Variants in TBC1D14 observed in about 807,000 individuals in gnomAD.
TBC1D14 encodes the protein TBC1 domain family member 14, also known as TBC1 domain family, member 14.
TBC1D14 carries 26 observed loss-of-function variants against 79.0 expected under a neutral mutation model. The observed-to-expected ratio is 0.33, with a 90% CI of 0.24 to 0.46. TBC1D14 has a LOEUF of 0.46. Ranked by LOEUF, TBC1D14 falls within the 20% of genes least tolerant of loss-of-function variation. TBC1D14 has a pLI of 1.00. For missense variants in TBC1D14, 769 were observed against 887.6 expected, an observed-to-expected ratio of 0.87 and a Z score of 1.70; for synonymous variants, 394 against 349.9, an observed-to-expected ratio of 1.13 and a Z score of -1.40.
At chr4:6,932,591 T>G (rs566341514) in intron 2 of TBC1D14, among the ~76,000 whole-genome samples, 1 of 152,278 alleles carries the variant, frequency 6.6e-6, no homozygotes, top group African/African-American at 2.4e-5. Flanking sequence ...GGCTTTGACT[T>G]AGACTCAGTG....
At chr4:6,993,063 G>A (rs763565967) in intron 3 of TBC1D14, among the ~76,000 whole-genome samples, 1 of 152,076 alleles carries the variant, frequency 6.6e-6, no homozygotes, top group African/African-American at 2.4e-5. Context: ...ATTGCTTGCC[G>A]CATAATTTCA....
chr4:6,922,602 T>G (rs1257585689), intron 1 of TBC1D14, among the ~76,000 whole-genome samples: 1 of 152,206 alleles, frequency 6.6e-6, no homozygotes, highest in Non-Finnish European at 1.5e-5. Context: ...ATACATAATT[T>G]ATTTTGTTGT....
intron 2 of TBC1D14, among the ~76,000 whole-genome samples, chr4:6,941,579 C>T (rs1400000653): frequency 6.6e-6 from 1 of 152,158 alleles, no homozygotes; most frequent in Non-Finnish European, 1.5e-5. Context: ...TGTGGAGTGT[C>T]AGTAACATTC....
At chr4:6,997,967 T>C (rs1331827999) in intron 5 of TBC1D14, among the ~76,000 whole-genome samples, 4 of 152,226 alleles carry the variant, frequency 2.6e-5, no homozygotes, top group Admixed American at 2.6e-4. Flanking sequence ...ATGAATGTTC[T>C]TAATGCCACT....
At chr4:7,028,432 T>A (rs1027654494) in intron 13 of TBC1D14, among the ~76,000 whole-genome samples, 1 of 149,774 alleles carries the variant, frequency 6.7e-6, no homozygotes, top group Non-Finnish European at 1.5e-5. Context: ...GTTTTTTGTT[T>A]GTTTTTTTTT....
chr4:6,995,954 A>C (rs960986917), intron 4 of TBC1D14, among the ~76,000 whole-genome samples: 2 of 151,960 alleles, frequency 1.3e-5, no homozygotes, highest in African/African-American at 4.8e-5. Context: ...CTCCTGCCTC[A>C]GCCTCCTGAT....
chr4:6,955,750 A>G (rs1399817878), intron 2 of TBC1D14, among the ~76,000 whole-genome samples: 1 of 152,176 alleles, frequency 6.6e-6, no homozygotes, highest in Non-Finnish European at 1.5e-5. Flanking sequence ...AGAGGCTTTG[A>G]GAAAGCCCTG....
At chr4:6,983,638 T>A (rs1235761473) in intron 3 of TBC1D14, among the ~76,000 whole-genome samples, 1 of 152,174 alleles carries the variant, frequency 6.6e-6, no homozygotes, top group Non-Finnish European at 1.5e-5. Flanking sequence ...AATGTTGGGG[T>A]TTAGAGAAGC....
intron 7 of TBC1D14, among the ~76,000 whole-genome samples, chr4:7,003,532 T>G (rs1719874704): frequency 6.6e-6 from 1 of 152,234 alleles, no homozygotes; most frequent in Non-Finnish European, 1.5e-5. Flanking sequence ...GATTACATTT[T>G]AATAAAATAG....
Position 7,025,273 on chromosome 4 carries a change from T to A in TBC1D14, c.2016+11T>A. 1 of 1,613,918 alleles carries A rather than the reference T, an allele frequency of 6.2e-7. No homozygotes were observed. Among genetic ancestry groups the A allele is most frequent in the Non-Finnish European group, 8.5e-7 (1 of 1,179,814 alleles). ...AAGAAGTGGGCTCAGGTCAGCGGGCTTTGTGTTCTTGGCTTCCCACAGCGT... is the reference window on the plus strand; with the variant it reads ...AAGAAGTGGGCTCAGGTCAGCGGGCATTGTGTTCTTGGCTTCCCACAGCGT... On this transcript the variant is annotated intron_variant, in intron 13 of 13. Coordinates refer to ENST00000409757, the MANE Select transcript of TBC1D14 (RefSeq NM_020773.3).
intron 2 of TBC1D14, among the ~76,000 whole-genome samples, chr4:6,957,420 G>T (rs181756904): frequency 8.3e-4 from 127 of 152,348 alleles, no homozygotes; most frequent in African/African-American, 3.0e-3. Context: ...GAAATACTTG[G>T]ACAGATGGAG....
Position 7,030,494 on chromosome 4 carries a change from C to T in TBC1D14, c.*102C>T, listed in dbSNP as rs1303822909. The T allele has an allele frequency of 2.4e-6, 3 of 1,228,250 alleles. No homozygotes were observed. The highest frequency in any genetic ancestry group is 3.5e-6 in the Non-Finnish European group (3 of 853,436). 76.1% of individuals were successfully genotyped at this position (1,228,250 alleles called of 1,614,324 possible). A position where few individuals can be genotyped will look rare whatever the true frequency, so the allele number is the denominator to read the frequency against. On this transcript the variant is annotated 3_prime_UTR_variant, in exon 14 of 14. Transcript: ENST00000409757. Reference sequence around the variant, plus strand: ...CGGGCAGCCGAGAAGAACAGACGCTCTTTAAGTTTGATTCCTAACACTGGA... The same window carrying T: ...CGGGCAGCCGAGAAGAACAGACGCTTTTTAAGTTTGATTCCTAACACTGGA...
chr4:6,989,220 G>A lies in TBC1D14; in HGVS notation c.844-4964G>A, dbSNP rs149974158. On this transcript the variant is annotated intron_variant, in intron 3 of 13. Transcript: ENST00000409757. The stretch of plus-strand genomic sequence containing the variant: ...AGATCACACGTGGAATGTAGACCCT[G>A]CCCCTGGATGCGTCTGAGGGGCTCC... Among the ~76,000 whole-genome samples, 158 of 152,204 alleles carry A rather than the reference G, an allele frequency of 1.0e-3. 1 individual carries two copies. The highest frequency in any genetic ancestry group is 3.7e-3 in the African/African-American group (152 of 41,536).
intron 2 of TBC1D14, among the ~76,000 whole-genome samples, chr4:6,956,035 A>G (rs932428330): frequency 6.6e-6 from 1 of 152,190 alleles, no homozygotes; most frequent in East Asian, 1.9e-4. Flanking sequence ...ACTCAGTGCC[A>G]GGAACTGTCG....
intron 2 of TBC1D14, among the ~76,000 whole-genome samples, chr4:6,960,401 C>G (rs984604707): frequency 1.3e-4 from 20 of 152,132 alleles, no homozygotes; most frequent in Middle Eastern, 3.4e-3. Flanking sequence ...CTACCCCGTG[C>G]CTTTTGCTAC....
chr4:7,020,487 G>A (rs1721718738), intron 12 of TBC1D14, among the ~76,000 whole-genome samples: 1 of 152,182 alleles, frequency 6.6e-6, no homozygotes, highest in African/African-American at 2.4e-5. Flanking sequence ...TGCCATTCAT[G>A]AGCCAGCCTG....
intron 1 of TBC1D14, among the ~76,000 whole-genome samples, chr4:6,915,453 T>C (rs1459318655): frequency 6.6e-6 from 1 of 151,974 alleles, no homozygotes; most frequent in Non-Finnish European, 1.5e-5. Flanking sequence ...TGAGCAGAGG[T>C]GCTTATGTCT....
chr4:6,939,951 G>A (rs969587785), intron 2 of TBC1D14, among the ~76,000 whole-genome samples: 6 of 152,312 alleles, frequency 3.9e-5, no homozygotes, highest in East Asian at 1.9e-4. Flanking sequence ...CAGGCGTCAC[G>A]ACCTACACCA....
At chr4:7,021,859 G>A (rs1157309046) in intron 12 of TBC1D14, among the ~76,000 whole-genome samples, 3 of 152,172 alleles carry the variant, frequency 2.0e-5, no homozygotes, top group African/African-American at 7.2e-5. Context: ...GGCCCTTCCC[G>A]TCCTGCTTCT....
Sources: allele counts gnomAD v4.1 joint callset (sites outside exome capture counted in the v4.1 genomes callset), GRCh38; gene constraint gnomAD v4.1.1; transcripts MANE v1.5; gene names NCBI Gene and HGNC (gene_info 2026-07-23, HGNC 2026-07-21).